CYTH1: variants seen among roughly 807,000 people sequenced by gnomAD.
The protein encoded by CYTH1 is cytohesin-1.
In CYTH1, 18 loss-of-function variants were observed where a neutral mutation model predicts 61.8. That is an observed-to-expected ratio of 0.29 (90% CI 0.20 to 0.43). CYTH1 has a LOEUF of 0.43. Among genes scored for constraint, CYTH1 ranks in the 20% least tolerant of loss-of-function variants. The pLI is 1.00. For missense variants in CYTH1, 336 were observed against 510.5 expected (o/e 0.66, Z 3.29); for synonymous variants, 174 against 184.3 (o/e 0.94, Z 0.45).
chr17:78,756,069 A>AT (rs1344114216), intron 1 of CYTH1, among the ~76,000 whole-genome samples: 3 of 137,846 alleles, frequency 2.2e-5, no homozygotes, highest in East Asian at 4.7e-4. Flanking sequence ...TTATTTATTT[A>AT]TTTATTTTTA....
chr17:78,744,086 G>T (rs997584131), intron 1 of CYTH1, among the ~76,000 whole-genome samples: 1 of 152,142 alleles, frequency 6.6e-6, no homozygotes, highest in Non-Finnish European at 1.5e-5. Context: ...AAATATACGG[G>T]CTTTTTCGGT....
intron 13 of CYTH1, chr17:78,676,937 GTGA>G (rs1450251984): frequency 2.2e-6 from 1 of 451,706 alleles, no homozygotes; most frequent in Non-Finnish European, 4.4e-6. Flanking sequence ...TGTATCCTAA[GTGA>G]TGATTTGTTC....
chr17:78,749,838 T>TA (rs1177634386), intron 1 of CYTH1, among the ~76,000 whole-genome samples: 16 of 149,248 alleles, frequency 1.1e-4, no homozygotes, highest in East Asian at 3.9e-4. Context: ...TTCTCTGCCC[T>TA]AAAAAAAAAA....
chr17:78,749,598 C>T (rs1485109629), intron 1 of CYTH1, among the ~76,000 whole-genome samples: 2 of 151,710 alleles, frequency 1.3e-5, no homozygotes, highest in Non-Finnish European at 2.9e-5. Flanking sequence ...CCATTATATT[C>T]CAGCCTGGGT....
chr17:78,685,782 C>A (rs895567730), intron 11 of CYTH1, among the ~76,000 whole-genome samples: 1 of 152,036 alleles, frequency 6.6e-6, no homozygotes, highest in African/African-American at 2.4e-5. Flanking sequence ...CAGGAGAGTG[C>A]GGCCAGCTGT....
intron 1 of CYTH1, among the ~76,000 whole-genome samples, chr17:78,760,595 G>GTA (rs2093425143): frequency 9.1e-6 from 1 of 110,398 alleles, no homozygotes; most frequent in Non-Finnish European, 1.9e-5. Context: ...GTATATATAT[G>GTA]TATATATATA....
intron 11 of CYTH1, among the ~76,000 whole-genome samples, chr17:78,685,223 AAG>A (rs1160672537): frequency 5.3e-5 from 8 of 151,608 alleles, no homozygotes; most frequent in African/African-American, 1.9e-4. Context: ...AAAAAAAAAA[AAG>A]GTTTTACTTA....
intron 1 of CYTH1, among the ~76,000 whole-genome samples, chr17:78,780,369 C>A (rs2093511865): frequency 6.6e-6 from 1 of 152,018 alleles, no homozygotes; most frequent in African/African-American, 2.4e-5. Flanking sequence ...ATTAGCAGGG[C>A]GTGGTAGCCC....
At chr17:78,676,205 G>A (rs1252255637) in intron 13 of CYTH1, 36 bp from the exon 14 acceptor site, 1 of 1,577,206 alleles carries the variant, frequency 6.3e-7, no homozygotes, top group Non-Finnish European at 8.6e-7. Context: ...AGAGACGTGA[G>A]GGACAGAATC....
At chr17:78,720,236 T>C (rs886145612) in intron 1 of CYTH1, among the ~76,000 whole-genome samples, 3 of 152,180 alleles carry the variant, frequency 2.0e-5, no homozygotes, top group African/African-American at 7.2e-5. Context: ...ACATTTTTTG[T>C]TATATGTATT....
At chr17:78,711,705 CCTT>C (rs1356814471) in intron 1 of CYTH1, among the ~76,000 whole-genome samples, 7 of 149,680 alleles carry the variant, frequency 4.7e-5, no homozygotes, top group African/African-American at 1.7e-4. Context: ...GCCGACTTTT[CCTT>C]TTTTTTTTTT....
intron 11 of CYTH1, among the ~76,000 whole-genome samples, chr17:78,686,495 G>A (rs890463703): frequency 6.6e-6 from 1 of 152,102 alleles, no homozygotes; most frequent in Non-Finnish European, 1.5e-5. Context: ...ACCCTGACCT[G>A]TGGTGGGCGG....
chr17:78,713,653 G>C (rs1449729260), intron 1 of CYTH1, among the ~76,000 whole-genome samples: 1 of 145,876 alleles, frequency 6.9e-6, no homozygotes, highest in Non-Finnish European at 1.5e-5. Context: ...CAACCATTCT[G>C]GGTTTAATAT....
intron 1 of CYTH1, among the ~76,000 whole-genome samples, chr17:78,764,863 T>C (rs898935320): frequency 6.6e-6 from 1 of 151,302 alleles, no homozygotes; most frequent in South Asian, 2.1e-4. Flanking sequence ...CCTTGTGGAG[T>C]TTCCACTTCA....
chr17:78,707,096 A>G (rs111614675), intron 3 of CYTH1, among the ~76,000 whole-genome samples: 3 of 152,348 alleles, frequency 2.0e-5, no homozygotes, highest in African/African-American at 7.2e-5. Context: ...TAAAATGGAA[A>G]GAGGGGAAAC....
intron 1 of CYTH1, among the ~76,000 whole-genome samples, chr17:78,781,170 TAA>T (rs899046034): frequency 2.8e-4 from 35 of 126,560 alleles, no homozygotes; most frequent in Non-Finnish European, 3.1e-4. Context: ...TCTCGTCTCT[TAA>T]AAAAAAAAAA....
Position 78,702,849 on chromosome 17 carries a change from GTCTC to G in CYTH1, c.171-249_171-246del, listed in dbSNP as rs544656446. ...TTTCTTTATTTTTTTTTGAGACAGG[GTCTC>G]TCTCTGTCTGAAGGCTGAAGTGCAG... On this transcript the variant is annotated intron_variant, in intron 3 of 13. Coordinates refer to ENST00000446868, the MANE Select transcript of CYTH1 (RefSeq NM_004762.6). 3.4e-4 allele frequency among the ~76,000 whole-genome samples: 52 copies of G among 152,102 alleles called. 1 individual carries two copies. In the Middle Eastern group the frequency reaches 0.01, roughly 30 times the overall value.
chr17:78,767,673 G>GT (rs935865519), intron 1 of CYTH1, among the ~76,000 whole-genome samples: 1 of 151,884 alleles, frequency 6.6e-6, no homozygotes, highest in Non-Finnish European at 1.5e-5. Flanking sequence ...AGAATCCAGT[G>GT]TTTTTTTCAA....
chr17:78,750,122 C>T (rs1225264416), intron 1 of CYTH1, among the ~76,000 whole-genome samples: 1 of 152,058 alleles, frequency 6.6e-6, no homozygotes, highest in African/African-American at 2.4e-5. Flanking sequence ...CATGTGGCAT[C>T]CAGGCAAGTA....
Sources: allele counts gnomAD v4.1 joint callset (sites outside exome capture counted in the v4.1 genomes callset), GRCh38; gene constraint gnomAD v4.1.1; transcripts MANE v1.5; gene names NCBI Gene and HGNC (gene_info 2026-07-23, HGNC 2026-07-21).